The following PIAS4 variants were observed in gnomAD, a reference collection of about 807,000 sequenced individuals.
PIAS4 encodes the protein protein inhibitor of activated STAT 4.
Under a neutral mutation model 58.0 loss-of-function variants are expected in PIAS4, and 7 were observed. The ratio of observed to expected loss-of-function variants is 0.12; its 90% CI spans 0.07 to 0.23. The LOEUF is 0.23. Ranked by LOEUF, PIAS4 falls within the 10% of genes least tolerant of loss-of-function variation. The pLI, the probability that PIAS4 is intolerant of heterozygous loss-of-function variation, is 1.00. For synonymous variants in PIAS4, 364 were observed against 312.4 expected (o/e 1.17, Z -1.74); for missense variants, 550 against 709.5 (o/e 0.78, Z 2.55).
chr19:4,023,727 G>T (rs537374060), intron 2 of PIAS4, among the ~76,000 whole-genome samples: 1 of 152,138 alleles, frequency 6.6e-6, no homozygotes, highest in African/African-American at 2.4e-5. Flanking sequence ...AGCTCTCCCC[G>T]CCAGGCAGCT....
chr19:4,035,923 C>CAT (rs2040273848), intron 9 of PIAS4, among the ~76,000 whole-genome samples: 1 of 67,358 alleles, frequency 1.5e-5, no homozygotes, highest in East Asian at 4.0e-4. Flanking sequence ...CACACACACA[C>CAT]CTGCACACAT....
rs1381398923 is a variant in PIAS4, at chr19:4,014,306, C to T, written c.454+957C>T. On this transcript the variant is annotated intron_variant, in intron 2 of 10. Coordinates refer to ENST00000262971, the MANE Select transcript of PIAS4 (RefSeq NM_015897.4). ...GGACAGGCCCCTGGTGCCTCCCCAG[C>T]AGCCGTGGCCATTCAGGCTGCAGGT... Among the ~76,000 whole-genome samples, 3 of 152,198 alleles carry T rather than the reference C, an allele frequency of 2.0e-5. No individual in the cohort carries two copies. The East Asian group carries it at 5.8e-4, about 29-fold the overall frequency.
intron 8 of PIAS4, 41 bp downstream of exon 8, chr19:4,033,214 G>A (rs748306435): frequency 8.9e-6 from 14 of 1,575,358 alleles, no homozygotes; most frequent in Middle Eastern, 1.7e-4. Context: ...CCTCTCCTGC[G>A]GCCGGCCTTC....
chr19:4,011,083 C>T (rs912823996), intron 1 of PIAS4, among the ~76,000 whole-genome samples: 15 of 152,174 alleles, frequency 9.9e-5, no homozygotes, highest in Non-Finnish European at 1.8e-4. Flanking sequence ...AGCCAGGAGC[C>T]GGAAACCTCA....
chr19:4,028,316 C>A, intron 4 of PIAS4, 129 bp downstream of exon 4: 1 of 842,728 alleles, frequency 1.2e-6, no homozygotes, highest in Non-Finnish European at 1.9e-6. Flanking sequence ...TCCTCACCTG[C>A]TGTCTATCCC....
chr19:4,022,521 T>C (rs894095201), intron 2 of PIAS4, among the ~76,000 whole-genome samples: 1 of 149,650 alleles, frequency 6.7e-6, no homozygotes, highest in African/African-American at 2.5e-5. Context: ...CGCCTGCCAC[T>C]ACACCCAGCT....
At position 4,012,189 on chromosome 19, in the gene PIAS4, C is replaced by T. The variant is rs914612051; in HGVS notation, c.28-734C>T. Among the ~76,000 whole-genome samples, 6 of 151,886 alleles carry T rather than the reference C, an allele frequency of 4.0e-5. No homozygotes were observed. In the East Asian group the frequency reaches 5.8e-4, roughly 15 times the overall value. On this transcript the variant is annotated intron_variant, in intron 1 of 10. Transcript: ENST00000262971. ...TGCCTGGGATGATCAGCAGATGTTTCGGAGGCCCCCACAGGCCCAGCCCTG... is the reference window on the plus strand; with the variant it reads ...TGCCTGGGATGATCAGCAGATGTTTTGGAGGCCCCCACAGGCCCAGCCCTG...
intron 2 of PIAS4, among the ~76,000 whole-genome samples, chr19:4,014,421 T>A (rs541027203): frequency 1.3e-5 from 2 of 151,796 alleles, no homozygotes; most frequent in Non-Finnish European, 2.9e-5. Context: ...GCAGAGAGAG[T>A]GTGCAGCCTC....
intron 2 of PIAS4, among the ~76,000 whole-genome samples, chr19:4,019,790 T>A (rs1444299110): frequency 6.6e-6 from 1 of 152,074 alleles, no homozygotes; most frequent in Admixed American, 6.6e-5. Flanking sequence ...GGCAGCCCCC[T>A]CTTCCTGAGG....
chr19:4,014,857 A>T (rs1599216926), intron 2 of PIAS4, among the ~76,000 whole-genome samples: 1 of 152,102 alleles, frequency 6.6e-6, no homozygotes, highest in African/African-American at 2.4e-5. Flanking sequence ...TTCCCCTCCC[A>T]TCTGCAGCCC....
At chr19:4,022,336 TG>T (rs369445696) in intron 2 of PIAS4, among the ~76,000 whole-genome samples, 35 of 151,942 alleles carry the variant, frequency 2.3e-4, no homozygotes, top group African/African-American at 8.2e-4. Context: ...TTGTTTTTTT[TG>T]TTGTTGTTGT....
At chr19:4,032,999 G>A (rs1036664445) in intron 7 of PIAS4, 101 bp from the exon 8 acceptor site, 1 of 935,786 alleles carries the variant, frequency 1.1e-6, no homozygotes, top group Non-Finnish European at 1.7e-6. Flanking sequence ...TCAGGGGCCT[G>A]TTCTGGGAGG....
intron 2 of PIAS4, among the ~76,000 whole-genome samples, chr19:4,015,087 C>T (rs1568213003): frequency 6.6e-6 from 1 of 152,242 alleles, no homozygotes; most frequent in African/African-American, 2.4e-5. Flanking sequence ...CCAGTGGCAC[C>T]TGTCCTGGGG....
intron 3 of PIAS4, among the ~76,000 whole-genome samples, chr19:4,027,446 G>A (rs972080339): frequency 6.6e-6 from 1 of 152,166 alleles, no homozygotes; most frequent in African/African-American, 2.4e-5. Context: ...CTGCTAGTTT[G>A]TGGCTGTTGT....
chr19:4,008,667 C>CT (rs2039965782), intron 1 of PIAS4, among the ~76,000 whole-genome samples: 1 of 152,140 alleles, frequency 6.6e-6, no homozygotes, highest in East Asian at 1.9e-4. Context: ...ACTGATTCTG[C>CT]TTCAGGGGGC....
rs550417869 is a variant in PIAS4, at chr19:4,012,820, G to A, written c.28-103G>A. On this transcript the variant is annotated intron_variant, in intron 1 of 10. Transcript: ENST00000262971. ...CCAGCCAAGGCTGGCGCTTCCTGGC[G>A]AGTGGGTGTCTTTCACGGCCCCCAC... 107 of 1,293,372 alleles carry A rather than the reference G, an allele frequency of 8.3e-5. 1 individual carries two copies. In the South Asian group the frequency reaches 9.1e-4, roughly 11 times the overall value. 80.1% of individuals were successfully genotyped at this position (1,293,372 alleles called of 1,614,324 possible).
rs1395753806 is a variant in PIAS4 at position 4,028,843 on chromosome 19, G to A, written c.796G>A (p.Gly266Ser). ...CATCACTGTCACCTGGGGGAACTAC[G>A]GCAAGGTGAGTGCGTGCCCGGGTGC... ...NRITVTWGNY[G>S]KSYSVALYLV... is the part of the protein sequence containing the mutation. The change falls in exon 6 of 11, where the codon GGC becomes AGC. Residue 266 changes from glycine to serine, a missense_variant. Coordinates refer to ENST00000262971, the MANE Select transcript of PIAS4 (RefSeq NM_015897.4). The A allele has an allele frequency of 1.2e-6, 2 of 1,613,372 alleles. No homozygotes were observed. Among genetic ancestry groups the A allele is most frequent in the Non-Finnish European group, 1.7e-6 (2 of 1,179,928 alleles).
At chr19:4,024,362 G>C (rs1449473750) in intron 3 of PIAS4, among the ~76,000 whole-genome samples, 1 of 152,252 alleles carries the variant, frequency 6.6e-6, no homozygotes, top group Non-Finnish European at 1.5e-5. Context: ...CGGACTGACT[G>C]TGCCCTTTTA....
At chr19:4,032,649 G>C (rs549620013) in intron 7 of PIAS4, among the ~76,000 whole-genome samples, 22 of 152,342 alleles carry the variant, frequency 1.4e-4, no homozygotes, top group African/African-American at 5.0e-4. Context: ...GGGGCTGGGC[G>C]GCAGCCGCTT....
Sources: gnomAD v4.1 joint callset for allele counts (sites outside exome capture counted in the v4.1 genomes callset) on GRCh38, gnomAD v4.1.1 for gene constraint, MANE v1.5 for transcripts, NCBI Gene and HGNC (gene_info 2026-07-23, HGNC 2026-07-21) for gene names.